LILRA4: variants seen among roughly 807,000 people sequenced by gnomAD.
LILRA4 encodes leukocyte immunoglobulin like receptor A4, also known as leukocyte immunoglobulin-like receptor subfamily A member 4.
In LILRA4, 51 loss-of-function variants were observed where a neutral mutation model predicts 49.5. The observed-to-expected ratio is 1.03, with a 90% CI of 0.82 to 1.30. LILRA4 has a LOEUF of 1.30. LILRA4 is among the 50% of genes most tolerant of loss of function. The pLI, the probability that LILRA4 is intolerant of heterozygous loss-of-function variation, is 0.00. For missense variants in LILRA4, 624 were observed against 625.6 expected (o/e 1.00, Z 0.03); for synonymous variants, 272 against 265.6 (o/e 1.02, Z -0.23).
At position 54,333,956 on chromosome 19, in the gene LILRA4, T is replaced by C. The variant is rs1256971440; in HGVS notation, c.1265A>G (p.Glu422Gly). The C allele has an allele frequency of 6.2e-7, 1 of 1,613,924 alleles. No individual in the cohort carries two copies. The highest frequency in any genetic ancestry group is 1.6e-4 in the Middle Eastern group (1 of 6,062). Residue 422 changes from glutamate (E) to glycine (G), a missense_variant, in exon 7 of 8, where the codon GAG becomes GGG. Coordinates refer to ENST00000291759, the MANE Select transcript of LILRA4 (RefSeq NM_012276.5). The part of the protein sequence containing the change: ...PLELVVSGAT[E>G]TLNPAQKKSD... ...CTTCTTTTGTGCTGGATTGAGGGTC[T>C]CAGTTGCTCCTAAGAATCAAAGAAT...
intron 4 of LILRA4, 90 bp downstream of exon 4, chr19:54,337,846 T>C: frequency 6.8e-7 from 1 of 1,473,744 alleles, no homozygotes; most frequent in Non-Finnish European, 9.1e-7. Context: ...CCTCATCTTT[T>C]CTTCTTGCGT....
intron 7 of LILRA4, 24 bp downstream of exon 7, chr19:54,333,891 A>C (rs1447227880): frequency 6.2e-7 from 1 of 1,612,946 alleles, no homozygotes; most frequent in Non-Finnish European, 8.5e-7. Flanking sequence ...CCAGCCCCAT[A>C]ACTGGGAGAA....
rs1047605470 is a variant in LILRA4, at chr19:54,336,715, CG to C, written c.1255+125del. 26 of 1,417,134 alleles carry C rather than the reference CG, an allele frequency of 1.8e-5. No homozygotes were observed. The Admixed American group carries it at 5.4e-4, about 29-fold the overall frequency. 87.8% of individuals were successfully genotyped at this position (1,417,134 alleles called of 1,614,324 possible). A position where few individuals can be genotyped will look rare whatever the true frequency, so the allele number is the denominator to read the frequency against. Reference sequence around the variant, plus strand: ...AGAGAGGCTCAGGGCTCACAAAGGCCGGGGCTGATGGAGGAAGAAGTGGGGC... The same window carrying C: ...AGAGAGGCTCAGGGCTCACAAAGGCCGGGCTGATGGAGGAAGAAGTGGGGC... On this transcript the variant is annotated intron_variant, in intron 6 of 7. Transcript: ENST00000291759.
Position 54,333,527 on chromosome 19 carries a change from A to G in LILRA4, c.*45T>C, listed in dbSNP as rs370752341. ...CTTCCCCTTGATATTCTCAGCAGAC[A>G]CTTCCCCAACTGCTGCCCCAGTCTT... is the stretch of plus-strand genomic sequence containing the variant. On this transcript the variant is annotated 3_prime_UTR_variant, in exon 8 of 8. Coordinates refer to ENST00000291759, the MANE Select transcript of LILRA4 (RefSeq NM_012276.5). 6.3e-7 allele frequency: 1 copy of G among 1,583,164 alleles called. No homozygotes were observed. The highest frequency in any genetic ancestry group is 1.7e-5 in the Admixed American group (1 of 58,302).
At chr19:54,338,943 G>A in intron 1 of LILRA4, 42 bp from the exon 2 acceptor site, 2 of 1,613,998 alleles carry the variant, frequency 1.2e-6, no homozygotes, top group Non-Finnish European at 1.7e-6. Context: ...TCCGAAGCCT[G>A]AGCAGGTCTT....
chr19:54,336,742 A>C, intron 6 of LILRA4, 99 bp downstream of exon 6: 5 of 1,499,798 alleles, frequency 3.3e-6, no homozygotes, highest in Non-Finnish European at 9.0e-7. Flanking sequence ...GAAGTGGGGC[A>C]GCAAGTGAGA....
At chr19:54,334,993 T>C (rs1015538290) in intron 6 of LILRA4, 1 of 150,674 alleles carries the variant, frequency 6.6e-6, no homozygotes, top group Non-Finnish European at 1.5e-5. Context: ...TAAAATAAAA[T>C]AAAATAATAA....
At chr19:54,337,760 G>A in intron 4 of LILRA4, 64 bp from the exon 5 acceptor site, 1 of 1,542,044 alleles carries the variant, frequency 6.5e-7, no homozygotes, top group Non-Finnish European at 8.7e-7. Flanking sequence ...TCCTTCTGTA[G>A]CCTTCCTCAC....
chr19:54,338,295 T>C (rs2241385), intron 3 of LILRA4, 60 bp from the exon 4 acceptor site: 602,104 of 1,590,568 alleles, frequency 0.38, 116,103 homozygotes, highest in African/African-American at 0.5. Context: ...CACCTTATCC[T>C]ACAAGGCTGG....
intron 7 of LILRA4, 44 bp from the exon 8 acceptor site, chr19:54,333,809 A>G (rs751285122): frequency 1.2e-6 from 2 of 1,612,838 alleles, no homozygotes; most frequent in Non-Finnish European, 8.5e-7. Context: ...AGGGCAGATC[A>G]CAATTACCAA....
In LILRA4 at chr19:54,337,145, T is replaced by C. The variant is rs201758165; in HGVS notation, c.953-2A>G. On this transcript the variant is annotated splice_acceptor_variant, in intron 5 of 7. Coordinates refer to ENST00000291759, the MANE Select transcript of LILRA4 (RefSeq NM_012276.5). LOFTEE classifies it high-confidence loss of function. ...GGGAGGGTCTGTCAGAGATCTGTCC[T>C]GGAGAAAAGAAGGACGGGTGAGGGG... 20 of 1,609,768 alleles carry C rather than the reference T, an allele frequency of 1.2e-5. No individual in the cohort carries two copies. The East Asian group carries it at 2.5e-4, about 20-fold the overall frequency.
rs2081293131 is a variant in LILRA4, at chr19:54,333,597, A to G, written c.1475T>C (p.Val492Ala). 3 of 1,613,780 alleles carry G rather than the reference A, an allele frequency of 1.9e-6. No individual in the cohort carries two copies. The South Asian group carries it at 3.3e-5, about 18-fold the overall frequency. The change falls in exon 8 of 8, where the codon GTG becomes GCG. Residue 492 changes from valine to alanine, a missense_variant. By Grantham distance (64) the Val-to-Ala change is moderately conservative. Coordinates refer to ENST00000291759, the MANE Select transcript of LILRA4 (RefSeq NM_012276.5). ...NSRKDNAPFR[V>A]VEPWEQI The stretch of plus-strand genomic sequence containing the variant: ...TCAGATCTGTTCCCAAGGCTCCACC[A>G]CTCTGAAGGGTGCATTGTCCTTTCT...
intron 5 of LILRA4, 62 bp downstream of exon 5, chr19:54,337,338 C>A: frequency 3.2e-6 from 5 of 1,584,212 alleles, no homozygotes; most frequent in South Asian, 2.3e-5. Context: ...ACCACCTGGG[C>A]TCCCCCAGCA....
chr19:54,333,843 G>T, intron 7 of LILRA4, 72 bp downstream of exon 7: 1 of 1,610,816 alleles, frequency 6.2e-7, no homozygotes, highest in African/African-American at 1.3e-5. Context: ...TCCACCCAGG[G>T]TACCCACCTC....
intron 6 of LILRA4, chr19:54,334,793 C>T (rs1011577134): frequency 5.7e-5 from 8 of 140,046 alleles, no homozygotes; most frequent in Non-Finnish European, 1.1e-4. Flanking sequence ...GGTGAAACCC[C>T]ATCTCTACTA....
In LILRA4 at chr19:54,333,982, A is replaced by G. The variant is rs2081298225; in HGVS notation, c.1256-17T>C. 1 of 1,611,556 alleles carries G rather than the reference A, an allele frequency of 6.2e-7. No individual in the cohort carries two copies. Among genetic ancestry groups the G allele is most frequent in the Non-Finnish European group, 8.5e-7 (1 of 1,177,830 alleles). On this transcript the variant is annotated splice_polypyrimidine_tract_variant and intron_variant, in intron 6 of 7. Coordinates refer to ENST00000291759, the MANE Select transcript of LILRA4 (RefSeq NM_012276.5). ...CAGTTGCTCCTAAGAATCAAAGAAT[A>G]AGGATGTTGGTGAGAAGCTGAAGAG...
In LILRA4 at chr19:54,337,151, AAAG is replaced by A. The variant is rs1569165357; in HGVS notation, c.953-11_953-9del. On this transcript the variant is annotated splice_polypyrimidine_tract_variant and intron_variant, in intron 5 of 7. Coordinates refer to ENST00000291759, the MANE Select transcript of LILRA4 (RefSeq NM_012276.5). Reference sequence around the variant, plus strand: ...GTCTGTCAGAGATCTGTCCTGGAGAAAAGAAGGACGGGTGAGGGGCTGCCCCAC... The same window carrying A: ...GTCTGTCAGAGATCTGTCCTGGAGAAAAGGACGGGTGAGGGGCTGCCCCAC... 3.1e-6 allele frequency: 5 copies of A among 1,605,090 alleles called. No homozygotes were observed. The highest frequency in any genetic ancestry group is 2.2e-5 in the South Asian group (2 of 90,110).
At position 54,338,226 on chromosome 19, in the gene LILRA4, CT is replaced by C; in HGVS notation, c.364del (p.Arg122AspfsTer12). 2 of 1,605,286 alleles carry C rather than the reference CT, an allele frequency of 1.2e-6. No individual in the cohort carries two copies. Among genetic ancestry groups the C allele is most frequent in the Non-Finnish European group, 1.7e-6 (2 of 1,174,798 alleles). ...PLELVVTAYS[R>X]PTLSALPSPV... ...GCTTGGCAGTGCGGACAGGGTGGGT[CT>C]GCTGTAGGCTTTCAAGAGAAAAAAA... On this transcript the variant is annotated frameshift_variant, in exon 4 of 8. Transcript: ENST00000291759. LOFTEE classifies it high-confidence loss of function.
At position 54,333,982 on chromosome 19, in the gene LILRA4, A is replaced by C; in HGVS notation, c.1256-17T>G. The C allele has an allele frequency of 6.2e-7, 1 of 1,611,676 alleles. No individual in the cohort carries two copies. The highest frequency in any genetic ancestry group is 8.5e-7 in the Non-Finnish European group (1 of 1,177,824). On this transcript the variant is annotated splice_polypyrimidine_tract_variant and intron_variant, in intron 6 of 7. Transcript: ENST00000291759. ...CAGTTGCTCCTAAGAATCAAAGAATAAGGATGTTGGTGAGAAGCTGAAGAG... is the reference window on the plus strand; with the variant it reads ...CAGTTGCTCCTAAGAATCAAAGAATCAGGATGTTGGTGAGAAGCTGAAGAG...
Sources: allele counts gnomAD v4.1 joint callset, GRCh38; gene constraint gnomAD v4.1.1; transcripts MANE v1.5; gene names NCBI Gene and HGNC (gene_info 2026-07-23, HGNC 2026-07-21).